The following ARHGAP5 variants were observed in gnomAD, a reference collection of about 807,000 sequenced individuals.
ARHGAP5 encodes the protein rho GTPase-activating protein 5.
In ARHGAP5, 23 loss-of-function variants were observed where a neutral mutation model predicts 116.6. The observed-to-expected ratio is 0.20, with a 90% CI of 0.14 to 0.28. The LOEUF (loss-of-function observed/expected upper bound fraction) is 0.28, where lower values mean the gene tolerates loss of function less well. Ranked by LOEUF, ARHGAP5 falls within the 10% of genes least tolerant of loss-of-function variation. The pLI is 1.00. For missense variants in ARHGAP5, 1,405 were observed against 1,774.8 expected (o/e 0.79, Z 3.74); for synonymous variants, 574 against 602.0 (o/e 0.95, Z 0.68).
intron 3 of ARHGAP5, among the ~76,000 whole-genome samples, chr14:32,134,892 A>G (rs1284597578): frequency 1.3e-5 from 2 of 152,240 alleles, no homozygotes; most frequent in Admixed American, 1.3e-4. Context: ...CACGTTTACA[A>G]GAATGACTCC....
At chr14:32,119,422 T>A in intron 3 of ARHGAP5, among the ~76,000 whole-genome samples, 1 of 152,138 alleles carries the variant, frequency 6.6e-6, no homozygotes, top group East Asian at 1.9e-4. Flanking sequence ...CTAACCTTTC[T>A]TGAACAACCA....
At chr14:32,079,411 A>C (rs1425955711) in intron 1 of ARHGAP5, among the ~76,000 whole-genome samples, 1 of 152,188 alleles carries the variant, frequency 6.6e-6, no homozygotes, top group Non-Finnish European at 1.5e-5. Flanking sequence ...GCAATTTTTA[A>C]AATGTGTTGC....
chr14:32,098,277 G>T lies in ARHGAP5; in HGVS notation c.3717+3891G>T, dbSNP rs537322696. On this transcript the variant is annotated intron_variant, in intron 2 of 6. Transcript: ENST00000345122. ...TAGGCATATCGACCAATATAATAGA[G>T]TCTGGAAACAAACAGACCTCTGGTT... Among the ~76,000 whole-genome samples the T allele has an allele frequency of 2.6e-5, 4 of 152,288 alleles. No individual in the cohort carries two copies. In the East Asian group the frequency reaches 7.7e-4, roughly 29 times the overall value.
chr14:32,089,589 A>G (rs919402213), intron 1 of ARHGAP5, among the ~76,000 whole-genome samples: 1 of 151,982 alleles, frequency 6.6e-6, no homozygotes, highest in Non-Finnish European at 1.5e-5. Context: ...TTGCTAGTAT[A>G]TCAAATAATT....
At chr14:32,103,728 T>G (rs770837835) in intron 2 of ARHGAP5, among the ~76,000 whole-genome samples, 7 of 152,160 alleles carry the variant, frequency 4.6e-5, no homozygotes, top group Non-Finnish European at 1.0e-4. Flanking sequence ...GTGTTATGAT[T>G]TCTTGCTCTG....
intron 1 of ARHGAP5, among the ~76,000 whole-genome samples, chr14:32,083,931 C>T (rs1160565346): frequency 6.6e-6 from 1 of 152,110 alleles, no homozygotes; most frequent in Non-Finnish European, 1.5e-5. Flanking sequence ...CATTGAAAAT[C>T]TCTGACAAAG....
At chr14:32,110,783 A>G (rs926743489) in intron 2 of ARHGAP5, among the ~76,000 whole-genome samples, 4 of 152,196 alleles carry the variant, frequency 2.6e-5, no homozygotes, top group African/African-American at 9.7e-5. Flanking sequence ...AACAATGAAG[A>G]TGGTAAAAAG....
intron 2 of ARHGAP5, among the ~76,000 whole-genome samples, chr14:32,110,456 G>C (rs951853303): frequency 2.0e-5 from 3 of 151,914 alleles, no homozygotes; most frequent in Non-Finnish European, 4.4e-5. Context: ...TTAATAGGGT[G>C]GTCAGTGTAG....
Position 32,090,844 on chromosome 14 carries a change from A to G in ARHGAP5, c.175A>G (p.Thr59Ala), listed in dbSNP as rs1878204936. The change falls in exon 2 of 7, where the codon ACC (threonine) becomes GCC (alanine). Residue 59 changes from threonine (T) to alanine (A), a missense_variant. Physicochemically the swap from Thr to Ala is moderately conservative, Grantham distance 58 (BLOSUM62 0). This residue lies in a region of ARHGAP5 where 190 missense variants were observed against 314.9 expected (regional missense o/e 0.60). Transcript: ENST00000345122. The part of the protein sequence containing the change: ...YYPEHTSVLS[T>A]IDFGGRVVNN... ...TCCAGAGCATACTTCTGTGCTTAGC[A>G]CCATTGACTTTGGAGGACGAGTAGT... 1 of 1,613,546 alleles carries G rather than the reference A, an allele frequency of 6.2e-7. No individual in the cohort carries two copies. The highest frequency in any genetic ancestry group is 1.3e-5 in the African/African-American group (1 of 74,888).
intron 3 of ARHGAP5, among the ~76,000 whole-genome samples, chr14:32,133,774 TGA>T (rs1235055289): frequency 6.6e-6 from 1 of 152,226 alleles, no homozygotes; most frequent in Non-Finnish European, 1.5e-5. Context: ...CCTAATTTAT[TGA>T]GAGTTTTTAG....
intron 2 of ARHGAP5, 87 bp from the exon 3 acceptor site, chr14:32,117,053 T>C: frequency 1.9e-6 from 2 of 1,059,786 alleles, no homozygotes. Context: ...AATTTTTCTT[T>C]TGATCCGAAC....
intron 3 of ARHGAP5, among the ~76,000 whole-genome samples, chr14:32,129,226 G>A (rs1238247047): frequency 2.0e-5 from 3 of 152,242 alleles, no homozygotes; most frequent in African/African-American, 7.2e-5. Context: ...TTAGTGGAAA[G>A]GCTTTGTGAC....
At position 32,156,719 on chromosome 14, in the gene ARHGAP5, A is replaced by G. The variant is rs944880904; in HGVS notation, c.*1771A>G. Reference sequence around the variant, plus strand: ...TATATAGCTTTAATTTATAGTTGTCAGTTTAACTATTGGCATGTCTGGCAA... The same window carrying G: ...TATATAGCTTTAATTTATAGTTGTCGGTTTAACTATTGGCATGTCTGGCAA... On this transcript the variant is annotated 3_prime_UTR_variant, in exon 7 of 7. Transcript: ENST00000345122. 3 of 152,322 alleles carry G rather than the reference A, an allele frequency of 2.0e-5. No homozygotes were observed. The highest frequency in any genetic ancestry group is 4.8e-5 in the African/African-American group (2 of 41,416). 9.4% of individuals were successfully genotyped at this position (152,322 alleles called of 1,614,324 possible).
At chr14:32,089,481 A>G (rs2041863059) in intron 1 of ARHGAP5, among the ~76,000 whole-genome samples, 1 of 151,968 alleles carries the variant, frequency 6.6e-6, no homozygotes. Context: ...AAGAATGTGA[A>G]AAATCTCTAA....
chr14:32,089,254 A>G (rs1198728412), intron 1 of ARHGAP5, among the ~76,000 whole-genome samples: 2 of 151,960 alleles, frequency 1.3e-5, no homozygotes, highest in Non-Finnish European at 2.9e-5. Flanking sequence ...ATTGAAATAG[A>G]TGTTTACTTG....
intron 3 of ARHGAP5, among the ~76,000 whole-genome samples, chr14:32,129,987 C>T (rs928769922): frequency 3.9e-5 from 6 of 151,900 alleles, no homozygotes; most frequent in Non-Finnish European, 7.4e-5. Flanking sequence ...TGCCTGATCC[C>T]GGGAATTTGA....
intron 2 of ARHGAP5, among the ~76,000 whole-genome samples, chr14:32,098,710 G>A (rs1406816564): frequency 2.0e-5 from 3 of 152,164 alleles, no homozygotes; most frequent in Non-Finnish European, 4.4e-5. Flanking sequence ...GAACATAGCC[G>A]TGTTCTAATA....
At chr14:32,105,465 T>A (rs1294069121) in intron 2 of ARHGAP5, among the ~76,000 whole-genome samples, 3 of 152,124 alleles carry the variant, frequency 2.0e-5, no homozygotes, top group Non-Finnish European at 4.4e-5. Flanking sequence ...AATTGTTGAT[T>A]CATATGCTAT....
rs759506083 is a variant in ARHGAP5, at chr14:32,092,098, A to C, written c.1429A>C (p.Arg477=). 1 of 1,613,940 alleles carries C rather than the reference A, an allele frequency of 6.2e-7. No homozygotes were observed. The highest frequency in any genetic ancestry group is 1.1e-5 in the South Asian group (1 of 91,072). Residue 477 remains arginine (R), a synonymous_variant, in exon 2 of 7, where the codon AGG becomes CGG. Coordinates refer to ENST00000345122, the MANE Select transcript of ARHGAP5 (RefSeq NM_001030055.2). This position sits in a 1 kb window ranked among gnomAD's most constrained non-coding sequence, Gnocchi z 4.1. ...GGCTGATAGCAAAGAGGTATATGGT[A>C]GGCATCAGCGAGAAATAGTTGAAAA... ...TEADSKEVYG[R]HQREIVEKAK...
Sources: gnomAD v4.1 joint callset for allele counts (sites outside exome capture counted in the v4.1 genomes callset) on GRCh38, gnomAD v4.1.1 for gene constraint, gnomAD v4.1.1 regional missense constraint, Gnocchi (gnomAD v3.1) non-coding constraint, MANE v1.5 for transcripts, NCBI Gene and HGNC (gene_info 2026-07-23, HGNC 2026-07-21) for gene names.